The following GNAL variants were observed in gnomAD, a reference collection of about 807,000 sequenced individuals.
GNAL encodes the protein G protein subunit alpha L, also known as guanine nucleotide-binding protein G(olf) subunit alpha.
GNAL carries 18 observed loss-of-function variants against 55.1 expected under a neutral mutation model. That is an observed-to-expected ratio of 0.33 (90% CI 0.23 to 0.48). The LOEUF is 0.48. Among genes scored for constraint, GNAL ranks in the 20% least tolerant of loss-of-function variants. GNAL has a pLI of 0.99. For missense variants in GNAL, 412 were observed against 614.1 expected, an observed-to-expected ratio of 0.67 and a Z score of 3.48; for synonymous variants, 253 against 237.0, an observed-to-expected ratio of 1.07 and a Z score of -0.62.
chr18:11,730,016 T>A (rs543976949), intron 1 of GNAL, among the ~76,000 whole-genome samples: 3 of 152,108 alleles, frequency 2.0e-5, no homozygotes, highest in Admixed American at 1.3e-4. Flanking sequence ...GTTGAAAGAG[T>A]TAAGTTTTTC....
chr18:11,846,709 A>G (rs2035748631), intron 5 of GNAL, among the ~76,000 whole-genome samples: 1 of 151,658 alleles, frequency 6.6e-6, no homozygotes, highest in Non-Finnish European at 1.5e-5. Context: ...TTTGAGGGAC[A>G]GTGACTTTGG....
In GNAL at chr18:11,719,596, A is replaced by C. The variant is rs114855832; in HGVS notation, c.376+29657A>C. On this transcript the variant is annotated intron_variant, in intron 1 of 11. Coordinates refer to ENST00000334049, the MANE Select transcript of GNAL (RefSeq NM_182978.4). ...TGGGTTCCTCTTATCTAAGTCATGC[A>C]ATCTGTTGATACTAAATTGCTTGCG... Among the ~76,000 whole-genome samples the C allele has an allele frequency of 4.9e-3, 742 of 152,340 alleles. 3 individuals carry two copies. The highest frequency in any genetic ancestry group is 0.017 in the African/African-American group (691 of 41,572).
intron 5 of GNAL, among the ~76,000 whole-genome samples, chr18:11,842,186 G>A (rs2035631481): frequency 6.6e-6 from 1 of 151,764 alleles, no homozygotes; most frequent in East Asian, 1.9e-4. Context: ...TCTCCATGTT[G>A]GTCAGGCTGG....
At chr18:11,711,475 A>G (rs569060502) in intron 1 of GNAL, among the ~76,000 whole-genome samples, 3 of 151,738 alleles carry the variant, frequency 2.0e-5, no homozygotes, top group East Asian at 3.9e-4. Flanking sequence ...TCTTTCCTCT[A>G]CTAACTCAGG....
Position 11,872,367 on chromosome 18 carries a change from A to G in GNAL, c.1131A>G (p.Pro377=), listed in dbSNP as rs760009791. The G allele has an allele frequency of 4.5e-6, 7 of 1,560,338 alleles. No homozygotes were observed. The highest frequency in any genetic ancestry group is 6.1e-6 in the Non-Finnish European group (7 of 1,154,948). The change falls in exon 10 of 12, where the codon CCA becomes CCG. Residue 377 remains proline (P), a synonymous_variant. Transcript: ENST00000334049. ...AGKSKIEDYF[P]EYANYTVPED... ...AATCAAAAATTGAAGACTATTTCCC[A>G]GAATATGCAAATTATACTGTTCCTG...
chr18:11,806,733 T>C (rs1171139044), intron 4 of GNAL, among the ~76,000 whole-genome samples: 2 of 138,328 alleles, frequency 1.4e-5, no homozygotes, highest in East Asian at 4.1e-4. Context: ...GAAGTACTCT[T>C]TTTTTTTTTT....
intron 5 of GNAL, among the ~76,000 whole-genome samples, chr18:11,855,724 A>G (rs186648279): frequency 2.0e-5 from 3 of 152,070 alleles, no homozygotes; most frequent in Admixed American, 1.3e-4. Flanking sequence ...TGTAATCCCA[A>G]CACTTTGGGA....
At position 11,752,091 on chromosome 18, in the gene GNAL, G is replaced by C. The variant is rs1254997690; in HGVS notation, c.377-762G>C. ...GGGCGAAGGGACGTGGGGCGAACCC[G>C]GGGCGCTGCGCCACCTCGGCTGTCT... On this transcript the variant is annotated intron_variant, in intron 1 of 11. Transcript: ENST00000334049. This position sits in a 1 kb window ranked among gnomAD's most constrained non-coding sequence, Gnocchi z 4.5. 2.4e-5 allele frequency: 4 copies of C among 169,652 alleles called. No individual in the cohort carries two copies. The highest frequency in any genetic ancestry group is 5.0e-5 in the Non-Finnish European group (4 of 80,526). The allele number at this position is 169,652 out of a possible 1,614,324, so 10.5% of individuals were successfully genotyped here.
intron 4 of GNAL, among the ~76,000 whole-genome samples, chr18:11,772,766 T>C (rs75442658): frequency 0.015 from 2,288 of 152,322 alleles, 53 homozygotes; most frequent in African/African-American, 0.052. Flanking sequence ...TCTGCATTTA[T>C]ACAGCGGAGT....
chr18:11,771,438 C>T lies in GNAL; in HGVS notation c.624+17493C>T, dbSNP rs534937951. ...TTTCATTTTTTTTTCTAAATGATGA[C>T]CTGATATGTGTCAGGAACTATGTTC... On this transcript the variant is annotated intron_variant, in intron 4 of 11. Transcript: ENST00000334049. 1.5e-4 allele frequency among the ~76,000 whole-genome samples: 22 copies of T among 151,592 alleles called. No individual in the cohort carries two copies. In the South Asian group the frequency reaches 4.4e-3, roughly 30 times the overall value.
chr18:11,700,376 G>A (rs1221834538), intron 1 of GNAL, among the ~76,000 whole-genome samples: 2 of 152,220 alleles, frequency 1.3e-5, no homozygotes, highest in Admixed American at 1.3e-4. Context: ...GCACCTGACG[G>A]GAGGGGCACA....
intron 4 of GNAL, among the ~76,000 whole-genome samples, chr18:11,819,807 G>GT (rs1192826353): frequency 2.0e-5 from 3 of 152,038 alleles, no homozygotes; most frequent in South Asian, 2.1e-4. Context: ...TTTCTCCGTT[G>GT]TTTTTTAAAA....
intron 1 of GNAL, 107 bp downstream of exon 1, chr18:11,690,046 G>A (rs2031191710): frequency 8.6e-6 from 5 of 582,314 alleles, no homozygotes; most frequent in East Asian, 8.0e-5. Context: ...GCGGCGGCGG[G>A]AGGGGCTCCT....
chr18:11,876,769 T>C, intron 11 of GNAL, 81 bp downstream of exon 11: 1 of 817,898 alleles, frequency 1.2e-6, no homozygotes, highest in Non-Finnish European at 2.2e-6. Context: ...TACTCCTTGA[T>C]GATCTCATTT....
At position 11,785,833 on chromosome 18, in the gene GNAL, C is replaced by A. The variant is rs376624687; in HGVS notation, c.624+31888C>A. On this transcript the variant is annotated intron_variant, in intron 4 of 11. Coordinates refer to ENST00000334049, the MANE Select transcript of GNAL (RefSeq NM_182978.4). ...AAGCAGCAGCTCCTCTGCTCAGCCC[C>A]GTGTTGAGCTGTTATTGAAGGTCTT... 1.6e-4 allele frequency among the ~76,000 whole-genome samples: 24 copies of A among 152,252 alleles called. No individual in the cohort carries two copies. The East Asian group carries it at 3.9e-3, about 25-fold the overall frequency.
At chr18:11,757,964 C>T (rs558726754) in intron 4 of GNAL, among the ~76,000 whole-genome samples, 1 of 152,106 alleles carries the variant, frequency 6.6e-6, no homozygotes, top group East Asian at 1.9e-4. Flanking sequence ...GCAGATTAGG[C>T]TTTCTGGAGG....
intron 5 of GNAL, among the ~76,000 whole-genome samples, chr18:11,856,658 G>A (rs911244318): frequency 1.3e-5 from 2 of 151,986 alleles, no homozygotes; most frequent in Non-Finnish European, 2.9e-5. Flanking sequence ...GGGCGTGGTG[G>A]CTCACACCTG....
intron 4 of GNAL, among the ~76,000 whole-genome samples, chr18:11,806,579 G>A (rs1001741666): frequency 3.3e-5 from 5 of 152,110 alleles, no homozygotes; most frequent in Non-Finnish European, 5.9e-5. Flanking sequence ...AAAAGAATTC[G>A]AAGGAAGAAA....
At chr18:11,696,861 T>G (rs1304307699) in intron 1 of GNAL, among the ~76,000 whole-genome samples, 1 of 152,156 alleles carries the variant, frequency 6.6e-6, no homozygotes, top group Non-Finnish European at 1.5e-5. Flanking sequence ...CTTCAAAATT[T>G]GGGGGTATCC....
Sources: allele counts gnomAD v4.1 joint callset (sites outside exome capture counted in the v4.1 genomes callset), GRCh38; gene constraint gnomAD v4.1.1; non-coding constraint Gnocchi (gnomAD v3.1); transcripts MANE v1.5; gene names NCBI Gene and HGNC (gene_info 2026-07-23, HGNC 2026-07-21).